The following BNIP3L variants were observed in gnomAD, a reference collection of about 807,000 sequenced individuals.
BNIP3L encodes the protein BCL2/adenovirus E1B 19 kDa protein-interacting protein 3-like.
A neutral mutation model predicts 25.5 loss-of-function variants in BNIP3L; 10 were observed. That is an observed-to-expected ratio of 0.39 (90% confidence interval 0.24 to 0.67). The LOEUF is 0.67. Ranked by LOEUF, BNIP3L falls within the 30% of genes least tolerant of loss-of-function variation. The pLI, the probability that BNIP3L is intolerant of heterozygous loss-of-function variation, is 0.45. For missense variants in BNIP3L, 215 were observed against 270.9 expected (o/e 0.79, Z 1.45); for synonymous variants, 113 against 101.2 (o/e 1.12, Z -0.70).
intron 1 of BNIP3L, 112 bp downstream of exon 1, chr8:26,383,342 G>A: frequency 6.7e-7 from 1 of 1,494,856 alleles, no homozygotes; most frequent in African/African-American, 1.4e-5. Context: ...ATTGGCTCAG[G>A]CATGGGATGT....
At position 26,411,928 on chromosome 8, in the gene BNIP3L, A is replaced by T. The variant is rs1186170177; in HGVS notation, c.*1516A>T. On this transcript the variant is annotated 3_prime_UTR_variant, in exon 6 of 6. Coordinates refer to ENST00000380629, the MANE Select transcript of BNIP3L (RefSeq NM_004331.3). The stretch of plus-strand genomic sequence containing the variant: ...AACTTGAATAAAAACACTATGACAG[A>T]CAGGTTTGCCAGTTTGCAGAAACTA... The T allele has an allele frequency of 6.6e-6, 1 of 152,650 alleles. No homozygotes were observed. Among genetic ancestry groups the T allele is most frequent in the Non-Finnish European group, 1.5e-5 (1 of 68,036 alleles). 9.5% of individuals were successfully genotyped at this position (152,650 alleles called of 1,614,324 possible).
rs138672891 is a variant in BNIP3L, at chr8:26,405,598, T to C, written c.358-2402T>C. Among the ~76,000 whole-genome samples, 101 of 152,296 alleles carry C rather than the reference T, an allele frequency of 6.6e-4. 1 individual carries two copies. The East Asian group carries it at 0.017, about 26-fold the overall frequency. ...CTAGACCTGTCAAGAGTCATGTGAA[T>C]ATGTCAGACTCTGCATTTCTTAGCT... On this transcript the variant is annotated intron_variant, in intron 3 of 5. Transcript: ENST00000380629.
At chr8:26,402,525 A>G (rs1806409277) in intron 3 of BNIP3L, among the ~76,000 whole-genome samples, 1 of 152,244 alleles carries the variant, frequency 6.6e-6, no homozygotes, top group African/African-American at 2.4e-5. Flanking sequence ...TTTCAAGAAC[A>G]TTTGTTCAAA....
intron 2 of BNIP3L, among the ~76,000 whole-genome samples, chr8:26,392,622 G>A (rs1806139226): frequency 6.6e-6 from 1 of 152,130 alleles, no homozygotes; most frequent in South Asian, 2.1e-4. Context: ...TAGAGCCTGG[G>A]ATGGCTCTTG....
intron 3 of BNIP3L, among the ~76,000 whole-genome samples, chr8:26,396,992 CTGAT>C (rs1382792082): frequency 2.1e-5 from 1 of 47,582 alleles, no homozygotes; most frequent in Non-Finnish European, 4.2e-5. Flanking sequence ...AAATCTACGT[CTGAT>C]TGGTGTACCT....
intron 5 of BNIP3L, 128 bp from the exon 6 acceptor site, chr8:26,410,236 G>A (rs1284012950): frequency 8.2e-6 from 8 of 972,942 alleles, no homozygotes; most frequent in Non-Finnish European, 1.2e-5. Context: ...GGTGTTTGGG[G>A]AGCGGTACCC....
Position 26,400,752 on chromosome 8 carries a change from G to T in BNIP3L, c.357+5450G>T, listed in dbSNP as rs1479652031. ...CAAACAACCCCATCAAAAAGTGGGC[G>T]AAGGACATGAACAGACACTTCTCAA... On this transcript the variant is annotated intron_variant, in intron 3 of 5. Transcript: ENST00000380629. Among the ~76,000 whole-genome samples, 46 of 64,556 alleles carry T rather than the reference G, an allele frequency of 7.1e-4. 1 individual carries two copies. Among genetic ancestry groups the T allele is most frequent in the African/African-American group, 1.6e-3 (26 of 16,150 alleles). 42.4% of individuals were successfully genotyped at this position (64,556 alleles called of 152,430 possible).
At chr8:26,403,454 A>G (rs965487371) in intron 3 of BNIP3L, among the ~76,000 whole-genome samples, 15 of 152,030 alleles carry the variant, frequency 9.9e-5, no homozygotes, top group African/African-American at 3.4e-4. Context: ...TAAGGACTAT[A>G]TATAATTTTC....
chr8:26,386,412 CT>C (rs1416551698), intron 1 of BNIP3L, among the ~76,000 whole-genome samples: 8 of 151,708 alleles, frequency 5.3e-5, no homozygotes, highest in African/African-American at 1.9e-4. Context: ...CCTTTTTTTT[CT>C]TTTCAAATTT....
intron 1 of BNIP3L, chr8:26,390,239 C>T: frequency 1.6e-6 from 1 of 607,298 alleles, no homozygotes. Flanking sequence ...CATGTGTGAG[C>T]CACTGTACCT....
At chr8:26,391,540 A>G (rs868254216) in intron 2 of BNIP3L, 114 bp downstream of exon 2, 2 of 868,934 alleles carry the variant, frequency 2.3e-6, no homozygotes, top group Non-Finnish European at 1.7e-6. Context: ...ATGCCTCCTG[A>G]TATATTGTAG....
chr8:26,406,883 T>C (rs1261870221), intron 3 of BNIP3L, among the ~76,000 whole-genome samples: 1 of 152,164 alleles, frequency 6.6e-6, no homozygotes, highest in African/African-American at 2.4e-5. Flanking sequence ...CAATAAATAC[T>C]ATTATTTATT....
At chr8:26,387,792 A>G (rs1203128357) in intron 1 of BNIP3L, among the ~76,000 whole-genome samples, 1 of 152,194 alleles carries the variant, frequency 6.6e-6, no homozygotes, top group Middle Eastern at 3.2e-3. Flanking sequence ...GTTAATACCT[A>G]TTGTCAAATT....
intron 1 of BNIP3L, among the ~76,000 whole-genome samples, chr8:26,387,144 G>A (rs1806009924): frequency 6.6e-6 from 1 of 152,100 alleles, no homozygotes; most frequent in African/African-American, 2.4e-5. Context: ...CAAGAGGATT[G>A]AACTAGTGAT....
At chr8:26,395,034 T>C (rs1806202316) in intron 2 of BNIP3L, among the ~76,000 whole-genome samples, 196 bp from the exon 3 acceptor site, 1 of 152,246 alleles carries the variant, frequency 6.6e-6, no homozygotes, top group Non-Finnish European at 1.5e-5. Context: ...CAGAACATTT[T>C]GGGAGTAAGA....
At chr8:26,403,901 A>T (rs574028360) in intron 3 of BNIP3L, among the ~76,000 whole-genome samples, 1 of 152,300 alleles carries the variant, frequency 6.6e-6, no homozygotes, top group Non-Finnish European at 1.5e-5. Flanking sequence ...CAGTGGAAAA[A>T]GTGAGGCTTT....
chr8:26,393,944 A>C (rs956808831), intron 2 of BNIP3L, among the ~76,000 whole-genome samples: 3 of 152,176 alleles, frequency 2.0e-5, no homozygotes, highest in African/African-American at 7.2e-5. Flanking sequence ...TAAATTTCTG[A>C]CGATCTTATT....
At chr8:26,384,953 G>C (rs571379705) in intron 1 of BNIP3L, among the ~76,000 whole-genome samples, 2 of 151,946 alleles carry the variant, frequency 1.3e-5, no homozygotes, top group Non-Finnish European at 2.9e-5. Context: ...TGTATTTTCA[G>C]TAGAGAGGGG....
chr8:26,409,636 C>A (rs1039844375), intron 5 of BNIP3L, among the ~76,000 whole-genome samples: 1 of 152,200 alleles, frequency 6.6e-6, no homozygotes, highest in African/African-American at 2.4e-5. Flanking sequence ...GCCTATACAG[C>A]AGTTCATTGC....
Sources: gnomAD v4.1 joint callset for allele counts (sites outside exome capture counted in the v4.1 genomes callset) on GRCh38, gnomAD v4.1.1 for gene constraint, MANE v1.5 for transcripts, NCBI Gene and HGNC (gene_info 2026-07-23, HGNC 2026-07-21) for gene names.